BCLAF1: variants seen among roughly 807,000 people sequenced by gnomAD.
BCLAF1 encodes BCL2 associated transcription factor 1.
Under a neutral mutation model 99.5 loss-of-function variants are expected in BCLAF1, and 10 were observed. The observed-to-expected ratio is 0.10, with a 90% CI of 0.06 to 0.17. The LOEUF (loss-of-function observed/expected upper bound fraction) is 0.17. Among genes scored for constraint, BCLAF1 ranks in the 10% least tolerant of loss-of-function variants. The probability of loss-of-function intolerance (pLI) is 1.00; values close to 1 mark genes in which losing one functional copy is unlikely to be tolerated. For missense variants in BCLAF1, 636 were observed against 1,105.8 expected, an observed-to-expected ratio of 0.58 and a Z score of 6.02; for synonymous variants, 255 against 370.9, an observed-to-expected ratio of 0.69 and a Z score of 3.59.
Position 136,261,320 on chromosome 6 carries a change from T to C in BCLAF1, c.2702A>G (p.Glu901Gly), listed in dbSNP as rs200539056. Reference protein sequence around the residue: ...KYQGDGIVEDEEETMENNEEK... With the variant: ...KYQGDGIVEDGEETMENNEEK... Reference sequence around the variant, plus strand: ...TTCATTATTTTCCATGGTCTCTTCTTCATCTTCAACAATCCCATCCCCTTG... The same window carrying C: ...TTCATTATTTTCCATGGTCTCTTCTCCATCTTCAACAATCCCATCCCCTTG... The change falls in exon 12 of 13, where the codon GAA (glutamate) becomes GGA (glycine). Residue 901 changes from glutamate to glycine, a missense_variant. By Grantham distance (98) the Glu-to-Gly change is moderately conservative (BLOSUM62 -2). Around this residue, in one of 9 missense-constraint regions of BCLAF1, gnomAD observed 57 missense variants for 116.7 expected, o/e 0.49. Coordinates refer to ENST00000531224, the MANE Select transcript of BCLAF1 (RefSeq NM_014739.3). The C allele has an allele frequency of 8.7e-6, 14 of 1,613,976 alleles. No individual in the cohort carries two copies. The African/African-American group carries it at 1.9e-4, about 22-fold the overall frequency.
rs1780583515 is a variant in BCLAF1 at position 136,258,333 on chromosome 6, T to C, written c.*2777A>G. 1 of 152,032 alleles carries C rather than the reference T, an allele frequency of 6.6e-6. No individual in the cohort carries two copies. The highest frequency in any genetic ancestry group is 2.1e-4 in the South Asian group (1 of 4,832). 9.4% of individuals were successfully genotyped at this position (152,032 alleles called of 1,614,324 possible). A position where few individuals can be genotyped will look rare whatever the true frequency, so the allele number is the denominator to read the frequency against. On this transcript the variant is annotated 3_prime_UTR_variant, in exon 13 of 13. Coordinates refer to ENST00000531224, the MANE Select transcript of BCLAF1 (RefSeq NM_014739.3). The stretch of plus-strand genomic sequence containing the variant: ...TCCTTTATTTCAAAATAATTTTGGC[T>C]TAGATTTACCAACTGTAAAATTTCC...
At position 136,260,246 on chromosome 6, in the gene BCLAF1, C is replaced by A. The variant is rs1331539865; in HGVS notation, c.*864G>T. 6.6e-6 allele frequency: 1 copy of A among 151,898 alleles called. No homozygotes were observed. The highest frequency in any genetic ancestry group is 1.5e-5 in the Non-Finnish European group (1 of 67,850). The allele number at this position is 151,898 out of a possible 1,614,324, so 9.4% of individuals were successfully genotyped here. A position where few individuals can be genotyped will look rare whatever the true frequency, so the allele number is the denominator to read the frequency against. Reference sequence around the variant, plus strand: ...AGGATAGACCTCCTACATACCAACCCCAGGATTACAGTTTTTCTTCTGTTT... The same window carrying A: ...AGGATAGACCTCCTACATACCAACCACAGGATTACAGTTTTTCTTCTGTTT... On this transcript the variant is annotated 3_prime_UTR_variant, in exon 13 of 13. Coordinates refer to ENST00000531224, the MANE Select transcript of BCLAF1 (RefSeq NM_014739.3).
chr6:136,261,239 C>G lies in BCLAF1; in HGVS notation c.2757+26G>C, dbSNP rs781174370. 2.5e-6 allele frequency: 4 copies of G among 1,604,366 alleles called. No homozygotes were observed. The South Asian group carries it at 4.5e-5, about 18-fold the overall frequency. On this transcript the variant is annotated intron_variant, in intron 12 of 12. Transcript: ENST00000531224. ...CAAACCTATATCAAAAAAAATCTGT[C>G]AGAATCACAAGTTGAAATTTTATAC...
At position 136,257,777 on chromosome 6, in the gene BCLAF1, G is replaced by A. The variant is rs960551327; in HGVS notation, c.*3333C>T. ...CTCTTCAACTCTGTAAATTGAGAAA[G>A]GCCTCTGAACTTCTCTTTCTGGATG... On this transcript the variant is annotated 3_prime_UTR_variant, in exon 13 of 13. Transcript: ENST00000531224. 2.0e-5 allele frequency: 3 copies of A among 152,064 alleles called. No homozygotes were observed. Among genetic ancestry groups the A allele is most frequent in the Non-Finnish European group, 4.4e-5 (3 of 67,946 alleles). The allele number at this position is 152,064 out of a possible 1,614,324, so 9.4% of individuals were successfully genotyped here.
At chr6:136,272,534 A>G (rs1459593336) in intron 7 of BCLAF1, among the ~76,000 whole-genome samples, 1 of 151,928 alleles carries the variant, frequency 6.6e-6, no homozygotes, top group Non-Finnish European at 1.5e-5. Flanking sequence ...CACCAAAATC[A>G]CACCAACTGT....
chr6:136,284,698 C>T (rs2128491610), intron 1 of BCLAF1, among the ~76,000 whole-genome samples: 1 of 152,220 alleles, frequency 6.6e-6, no homozygotes, highest in Non-Finnish European at 1.5e-5. Context: ...GCCTTACATG[C>T]CAGGCACTAC....
rs1235008573 is a variant in BCLAF1 at position 136,276,448 on chromosome 6, C to T, written c.1077G>A (p.Glu359=). The part of the protein sequence containing the change: ...LLDRGNTRDK[E]ASKEKGSEKG... ...TCTCTGATCCTTTCTCTTTTGAAGC[C>T]TCTTTATCCCTGGTATTACCCCTAT... Residue 359 remains glutamate, a synonymous_variant, in exon 5 of 13, where the codon GAG becomes GAA. Transcript: ENST00000531224. 2 of 1,535,846 alleles carry T rather than the reference C, an allele frequency of 1.3e-6. No homozygotes were observed. The highest frequency in any genetic ancestry group is 1.7e-6 in the Non-Finnish European group (2 of 1,152,628).
Position 136,272,223 on chromosome 6 carries a change from A to G in BCLAF1, c.1959-144T>C. On this transcript the variant is annotated intron_variant, in intron 7 of 12. Transcript: ENST00000531224. The stretch of plus-strand genomic sequence containing the variant: ...CACCAAGACTATTAATTTAGTTTAT[A>G]ATACACAATTAAGAAAAAATACCCA... The G allele has an allele frequency of 5.6e-6, 3 of 539,042 alleles. No individual in the cohort carries two copies. In the South Asian group the frequency reaches 9.4e-5, roughly 17 times the overall value. 33.4% of individuals were successfully genotyped at this position (539,042 alleles called of 1,614,324 possible). A position where few individuals can be genotyped will look rare whatever the true frequency, so the allele number is the denominator to read the frequency against.
chr6:136,262,634 T>A (rs1055674768), intron 11 of BCLAF1, among the ~76,000 whole-genome samples: 7 of 152,134 alleles, frequency 4.6e-5, no homozygotes, highest in African/African-American at 7.2e-5. Context: ...TAGGTAGAGG[T>A]GTACATGACT....
At chr6:136,285,608 C>A (rs1366229932) in intron 1 of BCLAF1, among the ~76,000 whole-genome samples, 1 of 152,150 alleles carries the variant, frequency 6.6e-6, no homozygotes, top group East Asian at 1.9e-4. Flanking sequence ...TAGATTCCCA[C>A]TTGTATACAG....
In BCLAF1 at chr6:136,279,828, T is replaced by G. The variant is rs752727969; in HGVS notation, c.39A>C (p.Ser13=). The G allele has an allele frequency of 6.4e-7, 1 of 1,573,784 alleles. No individual in the cohort carries two copies. The highest frequency in any genetic ancestry group is 1.2e-5 in the South Asian group (1 of 81,728). Reference sequence around the variant, plus strand: ...GAGAACTAGACTGTGATCTAGACTTTGACCTTGAAGAATGTGATCTAGAAT... The same window carrying G: ...GAGAACTAGACTGTGATCTAGACTTGGACCTTGAAGAATGTGATCTAGAAT... The part of the protein sequence containing the change: ...RSNSRSHSSR[S]KSRSQSSSRS... Residue 13 remains serine (S), a synonymous_variant, in exon 3 of 13, where the codon TCA becomes TCC. Coordinates refer to ENST00000531224, the MANE Select transcript of BCLAF1 (RefSeq NM_014739.3).
chr6:136,266,576 T>A (rs1303957195), intron 11 of BCLAF1, among the ~76,000 whole-genome samples: 1 of 152,046 alleles, frequency 6.6e-6, no homozygotes, highest in Admixed American at 6.6e-5. Context: ...TTCATCATCT[T>A]TTTTCTCCAA....
intron 1 of BCLAF1, among the ~76,000 whole-genome samples, chr6:136,284,384 CTGA>C (rs1171484623): frequency 6.6e-6 from 1 of 151,852 alleles, no homozygotes; most frequent in Admixed American, 6.6e-5. Context: ...GTATCAAAGA[CTGA>C]TTAGTTCAAC....
At position 136,278,359 on chromosome 6, in the gene BCLAF1, T is replaced by G. The variant is rs1290721735; in HGVS notation, c.522A>C (p.Gln174His). Residue 174 changes from glutamine to histidine, a missense_variant, in exon 4 of 13, where the codon CAA (glutamine) becomes CAC (histidine). Gln to His is a conservative substitution (Grantham distance 24). This residue lies in a region of BCLAF1 where 12 missense variants were observed against 96.3 expected (regional missense o/e 0.12). Coordinates refer to ENST00000531224, the MANE Select transcript of BCLAF1 (RefSeq NM_014739.3). ...ATTTACTTTTCAACGGACTCTCTTCTTGGGGTTCCCCTTCAGCTTTTTTGG... is the reference window on the plus strand; with the variant it reads ...ATTTACTTTTCAACGGACTCTCTTCGTGGGGTTCCCCTTCAGCTTTTTTGG... ...KQTKKAEGEPQEESPLKSKSQ... is the reference protein window; with the variant it reads ...KQTKKAEGEPHEESPLKSKSQ... 1 of 1,614,074 alleles carries G rather than the reference T, an allele frequency of 6.2e-7. No homozygotes were observed. Among genetic ancestry groups the G allele is most frequent in the African/African-American group, 1.3e-5 (1 of 75,044 alleles).
rs538080705 is a variant in BCLAF1 at position 136,260,407 on chromosome 6, G to C, written c.*703C>G. 1 of 152,004 alleles carries C rather than the reference G, an allele frequency of 6.6e-6. No homozygotes were observed. Among genetic ancestry groups the C allele is most frequent in the Non-Finnish European group, 1.5e-5 (1 of 67,922 alleles). 9.4% of individuals were successfully genotyped at this position (152,004 alleles called of 1,614,324 possible). ...GAATAGAAAGAGAACACACAGTTTTGAACGCAAATAGAAAAGGCTCCTAAG... is the reference window on the plus strand; with the variant it reads ...GAATAGAAAGAGAACACACAGTTTTCAACGCAAATAGAAAAGGCTCCTAAG... On this transcript the variant is annotated 3_prime_UTR_variant, in exon 13 of 13. Transcript: ENST00000531224.
Position 136,276,524 on chromosome 6 carries a change from G to A in BCLAF1, c.1017-16C>T, listed in dbSNP as rs747663329. 3 of 1,574,614 alleles carry A rather than the reference G, an allele frequency of 1.9e-6. No individual in the cohort carries two copies. The highest frequency in any genetic ancestry group is 2.7e-5 in the African/African-American group (2 of 73,330). On this transcript the variant is annotated splice_polypyrimidine_tract_variant and intron_variant, in intron 4 of 12. Coordinates refer to ENST00000531224, the MANE Select transcript of BCLAF1 (RefSeq NM_014739.3). Reference sequence around the variant, plus strand: ...ATCTGTGAACCTGCGAATAAGCAAAGAAGAGGATAGTAACTCTGGATTGCA... The same window carrying A: ...ATCTGTGAACCTGCGAATAAGCAAAAAAGAGGATAGTAACTCTGGATTGCA...
rs949857859 is a variant in BCLAF1 at position 136,258,903 on chromosome 6, G to A, written c.*2207C>T. The A allele has an allele frequency of 1.3e-5, 2 of 152,338 alleles. No individual in the cohort carries two copies. The highest frequency in any genetic ancestry group is 1.3e-4 in the Admixed American group (2 of 15,258). The allele number at this position is 152,338 out of a possible 1,614,324, so 9.4% of individuals were successfully genotyped here. On this transcript the variant is annotated 3_prime_UTR_variant, in exon 13 of 13. Coordinates refer to ENST00000531224, the MANE Select transcript of BCLAF1 (RefSeq NM_014739.3). Reference sequence around the variant, plus strand: ...TTAATCCTTTCTGGAAATATCCTTTGGTTCATTTTTATTGCCCCTCTCTAG... The same window carrying A: ...TTAATCCTTTCTGGAAATATCCTTTAGTTCATTTTTATTGCCCCTCTCTAG...
chr6:136,281,224 A>C (rs1352773372), intron 2 of BCLAF1, among the ~76,000 whole-genome samples: 2 of 152,234 alleles, frequency 1.3e-5, no homozygotes, highest in Admixed American at 1.3e-4. Flanking sequence ...GTAAGCAAGA[A>C]ATACATAAAG....
At chr6:136,266,990 T>G in intron 11 of BCLAF1, 39 bp downstream of exon 11, 2 of 1,608,732 alleles carry the variant, frequency 1.2e-6, no homozygotes, top group African/African-American at 2.7e-5. Flanking sequence ...GCTTCGAAAA[T>G]TAATGCAAAC....
Sources: allele counts gnomAD v4.1 joint callset (sites outside exome capture counted in the v4.1 genomes callset), GRCh38; gene constraint gnomAD v4.1.1; regional missense constraint gnomAD v4.1.1; transcripts MANE v1.5; gene names NCBI Gene and HGNC (gene_info 2026-07-23, HGNC 2026-07-21).